TULP3: variants seen among roughly 807,000 people sequenced by gnomAD.
TULP3 encodes tubby-related protein 3.
In TULP3, 38 loss-of-function variants were observed where a neutral mutation model predicts 50.7. The observed-to-expected ratio is 0.75, with a 90% CI of 0.58 to 0.98. The LOEUF (loss-of-function observed/expected upper bound fraction) is 0.98. Among genes scored for constraint, TULP3 ranks in the 50% least tolerant of loss-of-function variants. TULP3 has a pLI of 0.00. For missense variants in TULP3, 550 were observed against 568.0 expected (o/e 0.97, Z 0.32); for synonymous variants, 183 against 196.6 (o/e 0.93, Z 0.58).
chr12:2,896,457 C>T (rs947461235), intron 1 of TULP3, among the ~76,000 whole-genome samples: 29 of 152,274 alleles, frequency 1.9e-4, no homozygotes, highest in East Asian at 1.5e-3. Context: ...TTTTAATACA[C>T]GTGTTCAGTC....
chr12:2,935,948 G>A (rs923864714), intron 8 of TULP3, among the ~76,000 whole-genome samples: 4 of 151,484 alleles, frequency 2.6e-5, no homozygotes, highest in East Asian at 2.0e-4. Flanking sequence ...TAGCCTGGGC[G>A]ACAGCATGAG....
At chr12:2,895,416 G>T (rs957159995) in intron 1 of TULP3, among the ~76,000 whole-genome samples, 13 of 152,220 alleles carry the variant, frequency 8.5e-5, no homozygotes, top group African/African-American at 2.4e-4. Flanking sequence ...CCTAGATGAG[G>T]AAGGATAGAT....
chr12:2,933,088 G>A (rs766742391), intron 6 of TULP3, among the ~76,000 whole-genome samples: 5 of 152,000 alleles, frequency 3.3e-5, no homozygotes, highest in South Asian at 2.1e-4. Context: ...GACTGCAGGC[G>A]TCTGCAACCA....
At chr12:2,907,675 T>C (rs754609667) in intron 1 of TULP3, among the ~76,000 whole-genome samples, 1 of 151,700 alleles carries the variant, frequency 6.6e-6, no homozygotes, top group Non-Finnish European at 1.5e-5. Context: ...TTTATTCTTA[T>C]ACACACTGAA....
At chr12:2,901,311 TC>T (rs1311007215) in intron 1 of TULP3, among the ~76,000 whole-genome samples, 23 of 131,878 alleles carry the variant, frequency 1.7e-4, no homozygotes, top group African/African-American at 3.5e-4. Flanking sequence ...TTTCTTTCTT[TC>T]TTTTTTTTTT....
intron 6 of TULP3, among the ~76,000 whole-genome samples, chr12:2,932,152 GAA>G (rs1014306434): frequency 7.2e-5 from 11 of 152,080 alleles, no homozygotes; most frequent in Admixed American, 1.3e-4. Context: ...CAGCAGTATA[GAA>G]AAAAGAGTAT....
intron 1 of TULP3, among the ~76,000 whole-genome samples, chr12:2,900,163 T>TAGTG (rs1300344939): frequency 1.3e-5 from 2 of 151,798 alleles, no homozygotes; most frequent in African/African-American, 4.8e-5. Flanking sequence ...GAAGAGGTTG[T>TAGTG]AGTGAGCCGA....
chr12:2,929,355 G>A (rs2098196586), intron 4 of TULP3, among the ~76,000 whole-genome samples: 1 of 152,186 alleles, frequency 6.6e-6, no homozygotes, highest in Non-Finnish European at 1.5e-5. Flanking sequence ...TGTCACCCAG[G>A]CTGGGGTGCA....
chr12:2,935,971 AAATAAT>A (rs1193228752), intron 8 of TULP3, among the ~76,000 whole-genome samples: 3 of 151,912 alleles, frequency 2.0e-5, no homozygotes, highest in Non-Finnish European at 4.4e-5. Flanking sequence ...CCTGTTTAAA[AAATAAT>A]AATAATCGGC....
At position 2,937,736 on chromosome 12, in the gene TULP3, A is replaced by G; in HGVS notation, c.1023+7A>G. 1 of 1,604,356 alleles carries G rather than the reference A, an allele frequency of 6.2e-7. No homozygotes were observed. The highest frequency in any genetic ancestry group is 8.5e-7 in the Non-Finnish European group (1 of 1,172,060). On this transcript the variant is annotated splice_region_variant and intron_variant, in intron 9 of 10. Transcript: ENST00000448120. ...CCCCTATCAGCCACAAAACGTGAGT[A>G]AGAATGTATTTAAATCAGTGAAAGA...
intron 1 of TULP3, among the ~76,000 whole-genome samples, chr12:2,891,795 A>G (rs570391873): frequency 6.6e-6 from 1 of 152,202 alleles, no homozygotes; most frequent in Admixed American, 6.5e-5. Context: ...GAACACGTCT[A>G]TTATCCCCAG....
At position 2,938,300 on chromosome 12, in the gene TULP3, G is replaced by A. The variant is rs2074987; in HGVS notation, c.1195+15G>A. ...CAAAAATGACCGTAAGCCTCCAGGA[G>A]GGGTTGGGTGGGAAGAGGAGGACAG... On this transcript the variant is annotated intron_variant, in intron 10 of 10. Transcript: ENST00000448120. 0.43 allele frequency: 688,885 copies of A among 1,611,120 alleles called. 150,068 individuals carry two copies. The highest frequency in any genetic ancestry group is 0.62 in the African/African-American group (46,204 of 74,900).
chr12:2,906,870 C>G (rs933755652), intron 1 of TULP3, among the ~76,000 whole-genome samples: 3 of 151,584 alleles, frequency 2.0e-5, no homozygotes, highest in Admixed American at 2.0e-4. Flanking sequence ...GAGCCAAGAT[C>G]ACGTCATTGT....
intron 2 of TULP3, among the ~76,000 whole-genome samples, chr12:2,915,055 C>G (rs2098187843): frequency 6.6e-6 from 1 of 152,094 alleles, no homozygotes; most frequent in African/African-American, 2.4e-5. Flanking sequence ...GTGGCATGAT[C>G]TTGGCTCACT....
intron 2 of TULP3, among the ~76,000 whole-genome samples, chr12:2,912,097 G>A (rs1327100858): frequency 6.6e-6 from 1 of 152,158 alleles, no homozygotes; most frequent in Non-Finnish European, 1.5e-5. Flanking sequence ...GTGTATAACA[G>A]CAACAAAGGC....
intron 1 of TULP3, among the ~76,000 whole-genome samples, chr12:2,891,941 C>T (rs1258985002): frequency 6.6e-6 from 1 of 151,950 alleles, no homozygotes; most frequent in Non-Finnish European, 1.5e-5. Flanking sequence ...TAAAATTTGG[C>T]CGGACACGGT....
rs184245358 is a variant in TULP3 at position 2,937,622 on chromosome 12, A to G, written c.925-9A>G. Reference sequence around the variant, plus strand: ...TTTCCAAGTTCTGCTTTGTTTTCCTATCTTCCAGGAAACAAACGTACTTGG... The same window carrying G: ...TTTCCAAGTTCTGCTTTGTTTTCCTGTCTTCCAGGAAACAAACGTACTTGG... On this transcript the variant is annotated splice_polypyrimidine_tract_variant and intron_variant, in intron 8 of 10. Transcript: ENST00000448120. 1.8e-5 allele frequency: 29 copies of G among 1,599,130 alleles called. No homozygotes were observed. The highest frequency in any genetic ancestry group is 1.8e-4 in the East Asian group (8 of 44,822).
chr12:2,895,359 C>T (rs907187519), intron 1 of TULP3, among the ~76,000 whole-genome samples: 3 of 152,112 alleles, frequency 2.0e-5, no homozygotes, highest in Non-Finnish European at 4.4e-5. Context: ...AGATTGTGGC[C>T]GTCTTTCAAG....
At chr12:2,905,995 C>G (rs10848730) in intron 1 of TULP3, among the ~76,000 whole-genome samples, 2 of 150,284 alleles carry the variant, frequency 1.3e-5, no homozygotes, top group African/African-American at 4.9e-5. Context: ...GCACTCTAGC[C>G]CAGGCGACAG....
Sources: allele counts gnomAD v4.1 joint callset (sites outside exome capture counted in the v4.1 genomes callset), GRCh38; gene constraint gnomAD v4.1.1; transcripts MANE v1.5; gene names NCBI Gene and HGNC (gene_info 2026-07-23, HGNC 2026-07-21).